The following ARL8B variants were observed in gnomAD, a reference collection of about 807,000 sequenced individuals.
The protein encoded by ARL8B is ADP-ribosylation factor-like protein 8B.
Under a neutral mutation model 30.6 loss-of-function variants are expected in ARL8B, and 9 were observed. The observed-to-expected ratio is 0.29, with a 90% CI of 0.18 to 0.51. The LOEUF (loss-of-function observed/expected upper bound fraction) is 0.51, where lower values mean the gene tolerates loss of function less well. ARL8B is among the 20% of genes least tolerant of loss of function. The pLI is 0.97. For missense variants in ARL8B, 130 were observed against 227.2 expected (o/e 0.57, Z 2.75); for synonymous variants, 74 against 76.0 (o/e 0.97, Z 0.14).
At chr3:5,151,977 C>G (rs1021810660) in intron 1 of ARL8B, among the ~76,000 whole-genome samples, 1 of 152,088 alleles carries the variant, frequency 6.6e-6, no homozygotes, top group Non-Finnish European at 1.5e-5. Context: ...CCCAAAGTAT[C>G]GAGACTGTAG....
chr3:5,158,096 C>T (rs538678037), intron 1 of ARL8B, among the ~76,000 whole-genome samples: 1 of 152,154 alleles, frequency 6.6e-6, no homozygotes, highest in Admixed American at 6.6e-5. Flanking sequence ...CTGCCTCAGC[C>T]TCCAAAGTAG....
chr3:5,129,420 T>C (rs1269371029), intron 1 of ARL8B, among the ~76,000 whole-genome samples: 1 of 152,194 alleles, frequency 6.6e-6, no homozygotes, highest in Non-Finnish European at 1.5e-5. Context: ...CAAACATAGT[T>C]TTGTTGATGA....
chr3:5,171,119 T>A (rs1027713816), intron 2 of ARL8B, among the ~76,000 whole-genome samples: 16 of 152,326 alleles, frequency 1.1e-4, no homozygotes, highest in Middle Eastern at 6.8e-3. Context: ...TATTGTGGTT[T>A]ACAGAAGCTG....
chr3:5,178,309 A>G (rs2054747881), intron 6 of ARL8B, among the ~76,000 whole-genome samples: 2 of 132,530 alleles, frequency 1.5e-5, no homozygotes, highest in Non-Finnish European at 3.2e-5. Context: ...TTTTCTGTGT[A>G]TTATACTTAA....
At chr3:5,171,748 G>A (rs1042415850) in intron 2 of ARL8B, among the ~76,000 whole-genome samples, 2 of 152,224 alleles carry the variant, frequency 1.3e-5, no homozygotes, top group South Asian at 2.1e-4. Context: ...CAAATCAGAC[G>A]ATTAAGACTT....
At chr3:5,165,865 A>G (rs2054619238) in intron 1 of ARL8B, among the ~76,000 whole-genome samples, 1 of 152,180 alleles carries the variant, frequency 6.6e-6, no homozygotes, top group South Asian at 2.1e-4. Context: ...TAATCCATTT[A>G]GTACTACTCT....
At chr3:5,158,798 A>C (rs577852200) in intron 1 of ARL8B, among the ~76,000 whole-genome samples, 71 of 152,338 alleles carry the variant, frequency 4.7e-4, no homozygotes, top group African/African-American at 1.7e-3. Context: ...ATGACATTTA[A>C]AATTTCATTT....
At chr3:5,167,327 C>G (rs1348175643) in intron 1 of ARL8B, among the ~76,000 whole-genome samples, 3 of 152,118 alleles carry the variant, frequency 2.0e-5, no homozygotes, top group Non-Finnish European at 4.4e-5. Flanking sequence ...GTTTTGCTTT[C>G]CAGTTTCAGT....
chr3:5,158,369 C>T (rs1486543665), intron 1 of ARL8B, among the ~76,000 whole-genome samples: 1 of 152,172 alleles, frequency 6.6e-6, no homozygotes, highest in Admixed American at 6.5e-5. Flanking sequence ...GGTAATGTCA[C>T]GTTTCATGGA....
chr3:5,155,681 G>A (rs1265733382), intron 1 of ARL8B, among the ~76,000 whole-genome samples: 1 of 39,170 alleles, frequency 2.6e-5, no homozygotes, highest in Non-Finnish European at 5.4e-5. Flanking sequence ...CCCCACCCCC[G>A]CCTGGTCAAA....
intron 1 of ARL8B, among the ~76,000 whole-genome samples, chr3:5,129,692 G>A (rs371411740): frequency 6.6e-6 from 1 of 151,846 alleles, no homozygotes; most frequent in East Asian, 1.9e-4. Context: ...GACCACAGGC[G>A]TATGTCACTA....
chr3:5,165,122 A>G (rs964938467), intron 1 of ARL8B, among the ~76,000 whole-genome samples: 2 of 152,188 alleles, frequency 1.3e-5, no homozygotes, highest in African/African-American at 4.8e-5. Context: ...GTATAATACT[A>G]GTTTTCCCCA....
In ARL8B at chr3:5,178,812, C is replaced by T. The variant is rs1445593146; in HGVS notation, c.*99C>T. On this transcript the variant is annotated 3_prime_UTR_variant, in exon 7 of 7. Coordinates refer to ENST00000256496, the MANE Select transcript of ARL8B (RefSeq NM_018184.3). ...CCAGAATACGGTCCTTCCTAAACCC[C>T]AGAAATTGCCTTTTTCAGAGTTTAT... 5 of 1,573,006 alleles carry T rather than the reference C, an allele frequency of 3.2e-6. No individual in the cohort carries two copies. Among genetic ancestry groups the T allele is most frequent in the Non-Finnish European group, 4.3e-6 (5 of 1,164,386 alleles).
chr3:5,138,015 T>A (rs960177490), intron 1 of ARL8B, among the ~76,000 whole-genome samples: 4 of 151,816 alleles, frequency 2.6e-5, no homozygotes, highest in African/African-American at 9.7e-5. Context: ...GAGGTTTTTG[T>A]TGTTGTTGTT....
intron 6 of ARL8B, 86 bp downstream of exon 6, chr3:5,174,500 C>T: frequency 1.1e-6 from 1 of 884,736 alleles, no homozygotes; most frequent in South Asian, 1.5e-5. Context: ...CTCGATTTCT[C>T]ATTAAGTGAC....
intron 1 of ARL8B, chr3:5,157,893 C>G (rs1261739603): frequency 6.6e-6 from 1 of 152,062 alleles, no homozygotes; most frequent in East Asian, 1.9e-4. Context: ...AGAAAGAGCA[C>G]CAGATAGATT....
chr3:5,179,460 C>T lies in ARL8B; in HGVS notation c.*747C>T, dbSNP rs2054758923. ...TCTGTCCAGATCATTATTTCTGTCTCTTGTTTTTTCTTCCTGGTTCAGGAT... is the reference window on the plus strand; with the variant it reads ...TCTGTCCAGATCATTATTTCTGTCTTTTGTTTTTTCTTCCTGGTTCAGGAT... On this transcript the variant is annotated 3_prime_UTR_variant, in exon 7 of 7. Transcript: ENST00000256496. 1 of 152,260 alleles carries T rather than the reference C, an allele frequency of 6.6e-6. No homozygotes were observed. The highest frequency in any genetic ancestry group is 6.5e-5 in the Admixed American group (1 of 15,282). The allele number at this position is 152,260 out of a possible 1,614,324, so 9.4% of individuals were successfully genotyped here.
At position 5,122,641 on chromosome 3, in the gene ARL8B, C is replaced by G. The variant is rs543512493; in HGVS notation, c.123+53C>G. ...GGGCTCCGCAGCCAGGAGTCCGGCCCGGCGCTTCTCCAAGGCCTGAGTTGG... is the reference window on the plus strand; with the variant it reads ...GGGCTCCGCAGCCAGGAGTCCGGCCGGGCGCTTCTCCAAGGCCTGAGTTGG... On this transcript the variant is annotated intron_variant, in intron 1 of 6. Transcript: ENST00000256496. 5 of 1,554,154 alleles carry G rather than the reference C, an allele frequency of 3.2e-6. No individual in the cohort carries two copies. In the East Asian group the frequency reaches 1.2e-4, roughly 36 times the overall value.
chr3:5,161,773 A>G (rs1279065070), intron 1 of ARL8B, among the ~76,000 whole-genome samples: 2 of 152,226 alleles, frequency 1.3e-5, no homozygotes, highest in Admixed American at 1.3e-4. Context: ...TCCTATTGTT[A>G]TGTGTTGATT....
Sources: allele counts gnomAD v4.1 joint callset (sites outside exome capture counted in the v4.1 genomes callset), GRCh38; gene constraint gnomAD v4.1.1; transcripts MANE v1.5; gene names NCBI Gene and HGNC (gene_info 2026-07-23, HGNC 2026-07-21).